Variants in PSMD6 observed in about 807,000 individuals in gnomAD.
PSMD6 encodes 26S proteasome non-ATPase regulatory subunit 6.
In PSMD6, 7 loss-of-function variants were observed where a neutral mutation model predicts 44.9. The observed-to-expected ratio is 0.16, with a 90% CI of 0.09 to 0.29. The LOEUF is 0.29. PSMD6 is among the 10% of genes least tolerant of loss of function. The probability of loss-of-function intolerance (pLI) is 1.00; values close to 1 mark genes in which losing one functional copy is unlikely to be tolerated. For missense variants in PSMD6, 420 were observed against 482.6 expected (o/e 0.87, Z 1.21); for synonymous variants, 184 against 172.7 (o/e 1.07, Z -0.51).
intron 5 of PSMD6, 38 bp from the exon 6 acceptor site, chr3:64,013,645 C>T (rs758691955): frequency 2.0e-6 from 3 of 1,533,238 alleles, no homozygotes; most frequent in Non-Finnish European, 1.8e-6. Context: ...ATAGACTCTC[C>T]GTTTCAGATA....
chr3:64,021,742 T>G (rs1233386038), intron 2 of PSMD6, among the ~76,000 whole-genome samples: 2 of 150,040 alleles, frequency 1.3e-5, no homozygotes, highest in Admixed American at 1.3e-4. Context: ...ACCCAGCAGG[T>G]GGAGGTTGCA....
At chr3:64,010,984 TAGCTTTATAGAAAA>T in intron 6 of PSMD6, 29 bp from the exon 7 acceptor site, 1 of 1,520,338 alleles carries the variant, frequency 6.6e-7, no homozygotes, top group South Asian at 1.2e-5. Context: ...ATAACAGAAT[TAGCTTTATAGAAAA>T]TTCTTAGAAA....
chr3:64,013,221 C>CAACT (rs2075990040), intron 6 of PSMD6: 1 of 459,584 alleles, frequency 2.2e-6, no homozygotes, highest in Admixed American at 4.0e-5. Context: ...AGCCTCACTA[C>CAACT]AACTCATCTT....
Position 64,011,052 on chromosome 3 carries a change from A to G in PSMD6, c.996-97T>C, listed in dbSNP as rs538544694. 16 of 1,011,766 alleles carry G rather than the reference A, an allele frequency of 1.6e-5. No individual in the cohort carries two copies. The African/African-American group carries it at 2.6e-4, about 16-fold the overall frequency. 62.7% of individuals were successfully genotyped at this position (1,011,766 alleles called of 1,614,324 possible). ...ATACTGTCTTAAATTTGTAACAAAC[A>G]TTTAGCTTCCCTTCAAGCTTGTTAT... On this transcript the variant is annotated intron_variant, in intron 6 of 7. Transcript: ENST00000295901.
chr3:64,023,540 C>CTTT, upstream of PSMD6: 1 of 1,397,660 alleles, frequency 7.2e-7, no homozygotes, highest in Non-Finnish European at 9.3e-7. Context: ...GGTCCCGTCT[C>CTTT]CGCCGGCAGC....
Position 64,018,625 on chromosome 3 carries a change from C to A in PSMD6, c.800G>T (p.Arg267Leu). 6.3e-7 allele frequency: 1 copy of A among 1,582,976 alleles called. No homozygotes were observed. The highest frequency in any genetic ancestry group is 1.7e-5 in the Admixed American group (1 of 59,888). Residue 267 changes from arginine (R) to leucine (L), a missense_variant, in exon 5 of 8, where the codon CGT (arginine) becomes CTT (leucine). Arg to Leu is a moderately radical substitution (Grantham distance 102, BLOSUM62 -2). Transcript: ENST00000295901. The stretch of plus-strand genomic sequence containing the variant: ...TAATGATTGGAAGAAAACAGAGTAA[C>A]GGCATTCATAGAGTGAAAACAGATA... The part of the protein sequence containing the change: ...RQYLFSLYEC[R>L]YSVFFQSLAV...
rs1007693143 is a variant in PSMD6 at position 64,010,634 on chromosome 3, T to G, written c.*34A>C. ...AAGCTATAAAAATTCCAAATAATTATCTCTAAAGCAAATCCTTTGTTAGTT... is the reference window on the plus strand; with the variant it reads ...AAGCTATAAAAATTCCAAATAATTAGCTCTAAAGCAAATCCTTTGTTAGTT... On this transcript the variant is annotated 3_prime_UTR_variant, in exon 8 of 8. Coordinates refer to ENST00000295901, the MANE Select transcript of PSMD6 (RefSeq NM_014814.3). 6.8e-7 allele frequency: 1 copy of G among 1,475,644 alleles called. No homozygotes were observed. Among genetic ancestry groups the G allele is most frequent in the African/African-American group, 1.4e-5 (1 of 70,830 alleles). The allele number at this position is 1,475,644 out of a possible 1,614,324, so 91.4% of individuals were successfully genotyped here.
At chr3:64,023,606 T>A, upstream of PSMD6, 1 of 1,415,918 alleles carries the variant, frequency 7.1e-7, no homozygotes, top group South Asian at 1.6e-5. Context: ...CCTGCGCCCC[T>A]GTGTGGTCAC....
intron 5 of PSMD6, chr3:64,014,183 T>G (rs1381932931): frequency 1.3e-5 from 2 of 152,228 alleles, no homozygotes; most frequent in Non-Finnish European, 2.9e-5. Context: ...GTTAATGGCC[T>G]TAATCCAGAA....
chr3:64,019,636 A>G, intron 2 of PSMD6, 195 bp from the exon 3 acceptor site: 2 of 498,964 alleles, frequency 4.0e-6, no homozygotes, highest in Non-Finnish European at 6.8e-6. Flanking sequence ...CTCTACCTGT[A>G]TAAAGTTTAA....
intron 5 of PSMD6, 108 bp downstream of exon 5, chr3:64,018,491 C>G (rs1369197707): frequency 1.3e-6 from 1 of 785,684 alleles, no homozygotes; most frequent in African/African-American, 1.8e-5. Context: ...ATGCAGCTAC[C>G]TACACACTAC....
At chr3:64,014,144 A>ATGAT (rs1326020742) in intron 5 of PSMD6, 1 of 151,868 alleles carries the variant, frequency 6.6e-6, no homozygotes, top group Non-Finnish European at 1.5e-5. Flanking sequence ...TTGAAGACAA[A>ATGAT]TGATAAACTA....
chr3:64,013,769 G>C, intron 5 of PSMD6, 162 bp from the exon 6 acceptor site: 1 of 583,820 alleles, frequency 1.7e-6, no homozygotes, highest in Non-Finnish European at 2.7e-6. Flanking sequence ...AGCAACAGCA[G>C]TGATAAAGGA....
chr3:64,013,319 C>A (rs1055277646), intron 6 of PSMD6, 120 bp downstream of exon 6: 1 of 1,034,762 alleles, frequency 9.7e-7, no homozygotes, highest in Non-Finnish European at 1.4e-6. Context: ...AGGAAAAAAA[C>A]CTCTCCCCTC....
intron 4 of PSMD6, 45 bp from the exon 5 acceptor site, chr3:64,018,752 A>C: frequency 6.6e-7 from 1 of 1,523,150 alleles, no homozygotes; most frequent in Non-Finnish European, 9.0e-7. Context: ...TGTACATTTT[A>C]ATGATTTGTG....
At position 64,010,608 on chromosome 3, in the gene PSMD6, TA is replaced by T; in HGVS notation, c.*59del. On this transcript the variant is annotated 3_prime_UTR_variant, in exon 8 of 8. Transcript: ENST00000295901. ...CAGCTGACCTGGGCACATTGTGAAG[TA>T]AGCTATAAAAATTCCAAATAATTAT... The T allele has an allele frequency of 8.1e-7, 1 of 1,240,706 alleles. No individual in the cohort carries two copies. Among genetic ancestry groups the T allele is most frequent in the Non-Finnish European group, 1.1e-6 (1 of 873,024 alleles). The allele number at this position is 1,240,706 out of a possible 1,614,324, so 76.9% of individuals were successfully genotyped here.
Position 64,013,562 on chromosome 3 carries a change from T to A in PSMD6, c.872A>T (p.His291Leu), listed in dbSNP as rs1456657769. 1.2e-6 allele frequency: 2 copies of A among 1,612,278 alleles called. No individual in the cohort carries two copies. The highest frequency in any genetic ancestry group is 8.5e-7 in the Non-Finnish European group (1 of 1,179,418). The change falls in exon 6 of 8, where the codon CAT becomes CTT. Residue 291 changes from histidine (H) to leucine (L), a missense_variant. His to Leu is a moderately conservative substitution (Grantham distance 99, BLOSUM62 -3). This residue lies in a region of PSMD6 where 216 missense variants were observed against 227.0 expected (regional missense o/e 0.95). Transcript: ENST00000295901. ...CATTTCTCTTACATAGTATCGATAA[T>A]GAGGGGCAAAAAGCCAGTCCTTTTT... ...EMKKDWLFAP[H>L]YRYYVREMRI... is the part of the protein sequence containing the mutation.
intron 5 of PSMD6, chr3:64,016,354 TAGTC>T (rs1207120957): frequency 4.6e-5 from 7 of 152,132 alleles, no homozygotes; most frequent in African/African-American, 1.7e-4. Context: ...TTTCTAAATA[TAGTC>T]AGGTACTACC....
rs2106854336 is a variant in PSMD6 at position 64,015,549 on chromosome 3, A to G, written c.827-1942T>C. The G allele has an allele frequency of 2.0e-5, 3 of 152,384 alleles. 1 individual carries two copies. In the Middle Eastern group the frequency reaches 0.01, roughly 518 times the overall value. 9.4% of individuals were successfully genotyped at this position (152,384 alleles called of 1,614,324 possible). A position where few individuals can be genotyped will look rare whatever the true frequency, so the allele number is the denominator to read the frequency against. ...CTGCTATTCTCAATGTTAGTACACG[A>G]TAGCCACTCAAAAACACTTACTGAC... On this transcript the variant is annotated intron_variant, in intron 5 of 7. Transcript: ENST00000295901.
Sources: gnomAD v4.1 joint callset for allele counts (sites outside exome capture counted in the v4.1 genomes callset) on GRCh38, gnomAD v4.1.1 for gene constraint, gnomAD v4.1.1 regional missense constraint, MANE v1.5 for transcripts, NCBI Gene and HGNC (gene_info 2026-07-23, HGNC 2026-07-21) for gene names.